SDK1: variants seen among roughly 807,000 people sequenced by gnomAD.
SDK1 encodes the protein sidekick cell adhesion molecule 1.
In SDK1, 157 loss-of-function variants were observed where a neutral mutation model predicts 245.5. The ratio of observed to expected loss-of-function variants is 0.64; its 90% CI spans 0.56 to 0.73. SDK1 has a LOEUF of 0.73. SDK1 is among the 30% of genes least tolerant of loss of function. The probability of loss-of-function intolerance (pLI) is 0.00; values close to 1 mark genes in which losing one functional copy is unlikely to be tolerated. For missense variants in SDK1, 3,583 were observed against 3,002.3 expected (o/e 1.19, Z -4.52); for synonymous variants, 1,647 against 1,278.5 (o/e 1.29, Z -6.15).
At chr7:4,112,040 C>T (rs1484489876) in intron 23 of SDK1, among the ~76,000 whole-genome samples, 2 of 152,180 alleles carry the variant, frequency 1.3e-5, no homozygotes, top group South Asian at 2.1e-4. Flanking sequence ...AAAGTTTATT[C>T]TGCCAAGGTT....
rs533857788 is a variant in SDK1 at position 3,692,594 on chromosome 7, C to G, written c.713+50489C>G. Among the ~76,000 whole-genome samples, 6 of 151,980 alleles carry G rather than the reference C, an allele frequency of 3.9e-5. No individual in the cohort carries two copies. In the East Asian group the frequency reaches 1.2e-3, roughly 29 times the overall value. On this transcript the variant is annotated intron_variant, in intron 4 of 44. Transcript: ENST00000404826. ...CCTTCAATTTTTGTGCTTATTTAAA[C>G]TGATGTGATAAAAATATAAACTCTT... is the stretch of plus-strand genomic sequence containing the variant.
At chr7:3,372,910 A>G (rs1471285206) in intron 1 of SDK1, among the ~76,000 whole-genome samples, 1 of 152,202 alleles carries the variant, frequency 6.6e-6, no homozygotes, top group East Asian at 1.9e-4. Flanking sequence ...TCCCAATTTT[A>G]AAATACTTTA....
chr7:4,098,303 T>G (rs1387352256), intron 22 of SDK1, among the ~76,000 whole-genome samples: 2 of 151,992 alleles, frequency 1.3e-5, no homozygotes, highest in Non-Finnish European at 1.5e-5. Flanking sequence ...AAAATAGAGG[T>G]CAACGTATAT....
chr7:4,050,601 C>T (rs1181631663), intron 18 of SDK1, among the ~76,000 whole-genome samples: 1 of 152,188 alleles, frequency 6.6e-6, no homozygotes, highest in Non-Finnish European at 1.5e-5. Context: ...GCTGCCAAAA[C>T]ATGAACACGC....
At chr7:3,513,313 G>C (rs948068640) in intron 1 of SDK1, among the ~76,000 whole-genome samples, 2 of 152,126 alleles carry the variant, frequency 1.3e-5, no homozygotes, top group Non-Finnish European at 2.9e-5. Context: ...TGACAGAGTC[G>C]AATAAAGAGA....
intron 14 of SDK1, among the ~76,000 whole-genome samples, chr7:3,992,845 G>C (rs534805212): frequency 1.6e-4 from 25 of 152,240 alleles, no homozygotes; most frequent in African/African-American, 5.8e-4. Flanking sequence ...AGTGCACTTT[G>C]AGTAATGCAA....
chr7:4,018,129 T>A (rs532082956), intron 17 of SDK1, among the ~76,000 whole-genome samples: 1 of 152,360 alleles, frequency 6.6e-6, no homozygotes, highest in East Asian at 1.9e-4. Context: ...CCCAAATCCT[T>A]GCCCAGGGAA....
At chr7:3,457,638 A>T (rs1415036113) in intron 1 of SDK1, among the ~76,000 whole-genome samples, 1 of 152,194 alleles carries the variant, frequency 6.6e-6, no homozygotes, top group Non-Finnish European at 1.5e-5. Flanking sequence ...TCAGCTTAAT[A>T]TGGCCAAACT....
At position 3,760,799 on chromosome 7, in the gene SDK1, C is replaced by T. The variant is rs116285349; in HGVS notation, c.714-60651C>T. 2.0e-3 allele frequency among the ~76,000 whole-genome samples: 306 copies of T among 152,334 alleles called. 1 individual carries two copies. The highest frequency in any genetic ancestry group is 7.0e-3 in the African/African-American group (289 of 41,578). On this transcript the variant is annotated intron_variant, in intron 4 of 44. Coordinates refer to ENST00000404826, the MANE Select transcript of SDK1 (RefSeq NM_152744.4). ...AGTAGGCAATATCATTAGGATCATA[C>T]GGCACGTAGCCATCTGGGTGTTTAA...
At chr7:3,634,439 T>C (rs1782393623) in intron 2 of SDK1, among the ~76,000 whole-genome samples, 1 of 152,220 alleles carries the variant, frequency 6.6e-6, no homozygotes, top group South Asian at 2.1e-4. Flanking sequence ...TTTTATTTTC[T>C]TTGCCATTCC....
rs188356446 is a variant in SDK1, at chr7:3,774,606, T to G, written c.714-46844T>G. 1.6e-3 allele frequency among the ~76,000 whole-genome samples: 245 copies of G among 152,322 alleles called. 3 individuals are homozygous for G. The highest frequency in any genetic ancestry group is 0.013 in the Admixed American group (199 of 15,304). Reference sequence around the variant, plus strand: ...TTAAGTAGCCTCCAGAGTTCCAAAATAGTTATACTGGACAGATTCTGCCAG... The same window carrying G: ...TTAAGTAGCCTCCAGAGTTCCAAAAGAGTTATACTGGACAGATTCTGCCAG... On this transcript the variant is annotated intron_variant, in intron 4 of 44. Coordinates refer to ENST00000404826, the MANE Select transcript of SDK1 (RefSeq NM_152744.4).
intron 22 of SDK1, among the ~76,000 whole-genome samples, chr7:4,100,499 C>A (rs1351219824): frequency 6.6e-6 from 1 of 152,100 alleles, no homozygotes; most frequent in African/African-American, 2.4e-5. Flanking sequence ...ATCCTCACCC[C>A]CAAGGCGAGG....
At chr7:3,413,754 A>G (rs760006556) in intron 1 of SDK1, among the ~76,000 whole-genome samples, 42 of 152,284 alleles carry the variant, frequency 2.8e-4, no homozygotes, top group Middle Eastern at 6.8e-3. Flanking sequence ...TTGCGAGGCC[A>G]TGGTGGGAGG....
chr7:4,098,463 T>G (rs892390158), intron 22 of SDK1, among the ~76,000 whole-genome samples: 6 of 152,160 alleles, frequency 3.9e-5, no homozygotes, highest in Admixed American at 2.0e-4. Flanking sequence ...TTCCAGCCAT[T>G]AGGTTTTATA....
chr7:4,038,586 G>A (rs1464071296), intron 17 of SDK1, among the ~76,000 whole-genome samples: 1 of 152,180 alleles, frequency 6.6e-6, no homozygotes, highest in Non-Finnish European at 1.5e-5. Flanking sequence ...TTCGAAAGCG[G>A]TACTTTTCTT....
At chr7:4,215,066 GCGCTCGC>G in intron 38 of SDK1, among the ~76,000 whole-genome samples, 1 of 152,344 alleles carries the variant, frequency 6.6e-6, no homozygotes, top group South Asian at 2.1e-4. Flanking sequence ...CGGGACCCTG[GCGCTCGC>G]CTGCCTCCCC....
At chr7:3,804,783 A>G (rs1038831696) in intron 4 of SDK1, among the ~76,000 whole-genome samples, 1 of 152,234 alleles carries the variant, frequency 6.6e-6, no homozygotes, top group Non-Finnish European at 1.5e-5. Flanking sequence ...CGTATTTGCT[A>G]GGTTCTCACC....
At chr7:3,442,597 C>G (rs1311041035) in intron 1 of SDK1, among the ~76,000 whole-genome samples, 1 of 152,208 alleles carries the variant, frequency 6.6e-6, no homozygotes, top group Non-Finnish European at 1.5e-5. Context: ...CTGCCCTTTT[C>G]TAACTTTTCA....
At chr7:4,060,782 G>T (rs1269047808) in intron 19 of SDK1, among the ~76,000 whole-genome samples, 1 of 152,136 alleles carries the variant, frequency 6.6e-6, no homozygotes, top group Non-Finnish European at 1.5e-5. Context: ...TAGGTCTAAC[G>T]TTTAGGTCTT....
Sources: gnomAD v4.1 joint callset for allele counts (sites outside exome capture counted in the v4.1 genomes callset) on GRCh38, gnomAD v4.1.1 for gene constraint, MANE v1.5 for transcripts, NCBI Gene and HGNC (gene_info 2026-07-23, HGNC 2026-07-21) for gene names.